Variants in FGGY observed in about 807,000 individuals in gnomAD.
The protein encoded by FGGY is FGGY carbohydrate kinase domain-containing protein.
In FGGY, 72 loss-of-function variants were observed where a neutral mutation model predicts 71.3. The observed-to-expected ratio is 1.01, with a 90% confidence interval of 0.84 to 1.23. The LOEUF is 1.23. Ranked by LOEUF, FGGY falls within the 50% of genes most tolerant of loss-of-function variation. FGGY has a pLI of 0.00. For missense variants in FGGY, 668 were observed against 682.3 expected, an observed-to-expected ratio of 0.98 and a Z score of 0.23; for synonymous variants, 251 against 250.3, an observed-to-expected ratio of 1.00 and a Z score of -0.02.
chr1:59,355,088 T>A (rs960166614), intron 4 of FGGY, among the ~76,000 whole-genome samples: 1 of 152,176 alleles, frequency 6.6e-6, no homozygotes, highest in Non-Finnish European at 1.5e-5. Flanking sequence ...TATTCCAAGA[T>A]CAGTGGGAAA....
At chr1:59,413,900 G>A (rs1351481985) in intron 5 of FGGY, among the ~76,000 whole-genome samples, 1 of 152,214 alleles carries the variant, frequency 6.6e-6, no homozygotes, top group Non-Finnish European at 1.5e-5. Flanking sequence ...TGTGGAAGTT[G>A]TAGCAAGCCG....
In FGGY at chr1:59,757,934, G is replaced by A. The variant is rs1271955991; in HGVS notation, c.1516G>A (p.Ala506Thr). 6.8e-6 allele frequency: 11 copies of A among 1,612,356 alleles called. No homozygotes were observed. Among genetic ancestry groups the A allele is most frequent in the Middle Eastern group, 1.7e-4 (1 of 6,046 alleles). Residue 506 changes from alanine to threonine, a missense_variant, in exon 15 of 16, where the codon GCA (alanine) becomes ACA (threonine). This residue lies in a region of FGGY where 661 missense variants were observed against 661.6 expected (regional missense o/e 1.00). Coordinates refer to ENST00000303721, the MANE Select transcript of FGGY (RefSeq NM_018291.5). ...ASGDFASVQE[A>T]MAKMSKVGKV... The stretch of plus-strand genomic sequence containing the variant: ...TATGTTGTTTTCCATTTAATAGGAA[G>A]CAATGGCAAAAATGAGCAAAGTTGG...
chr1:59,553,710 C>T (rs1405458706), intron 7 of FGGY, among the ~76,000 whole-genome samples: 1 of 152,222 alleles, frequency 6.6e-6, no homozygotes, highest in African/African-American at 2.4e-5. Flanking sequence ...TTGGGCAAGT[C>T]AGTTAACCTC....
At chr1:59,471,715 T>G (rs2092949819) in intron 6 of FGGY, among the ~76,000 whole-genome samples, 2 of 152,240 alleles carry the variant, frequency 1.3e-5, no homozygotes, top group African/African-American at 2.4e-5. Context: ...GGTGCTGGGC[T>G]AAGTCCTAGG....
intron 10 of FGGY, among the ~76,000 whole-genome samples, chr1:59,630,490 A>G (rs996098132): frequency 1.3e-5 from 2 of 152,168 alleles, no homozygotes; most frequent in African/African-American, 4.8e-5. Flanking sequence ...CTCAATGACT[A>G]CTAGATTCTT....
At chr1:59,396,768 T>C (rs1467319040) in intron 5 of FGGY, among the ~76,000 whole-genome samples, 1 of 152,232 alleles carries the variant, frequency 6.6e-6, no homozygotes, top group East Asian at 1.9e-4. Context: ...ATATTACTAA[T>C]GTTTTAATGA....
chr1:59,622,007 A>T lies in FGGY; in HGVS notation c.1012-3981A>T, dbSNP rs545398768. Among the ~76,000 whole-genome samples the T allele has an allele frequency of 3.3e-5, 5 of 151,636 alleles. No individual in the cohort carries two copies. The South Asian group carries it at 6.3e-4, about 19-fold the overall frequency. On this transcript the variant is annotated intron_variant, in intron 9 of 15. Transcript: ENST00000303721. The stretch of plus-strand genomic sequence containing the variant: ...ATTTTTTCAATATATATTCTCATTC[A>T]TATTCTCTCTCTCTCTTTCTCTCTC...
At chr1:59,390,367 A>G (rs1031142530) in intron 5 of FGGY, among the ~76,000 whole-genome samples, 18 of 152,144 alleles carry the variant, frequency 1.2e-4, no homozygotes, top group Non-Finnish European at 2.9e-5. Flanking sequence ...GTCATCAAGG[A>G]CACTAGCTTT....
At position 59,618,524 on chromosome 1, in the gene FGGY, C is replaced by T. The variant is rs144918000; in HGVS notation, c.1012-7464C>T. On this transcript the variant is annotated intron_variant, in intron 9 of 15. Transcript: ENST00000303721. ...TTTCTTTCAGTTCTCTTGTAGACTTCTTTGAGAAGCAACTGTTGTCCGTTA... is the reference window on the plus strand; with the variant it reads ...TTTCTTTCAGTTCTCTTGTAGACTTTTTTGAGAAGCAACTGTTGTCCGTTA... Among the ~76,000 whole-genome samples, 14 of 152,196 alleles carry T rather than the reference C, an allele frequency of 9.2e-5. No individual in the cohort carries two copies. The East Asian group carries it at 2.7e-3, about 29-fold the overall frequency.
intron 6 of FGGY, among the ~76,000 whole-genome samples, chr1:59,467,176 A>G (rs1026490896): frequency 4.6e-5 from 7 of 152,192 alleles, no homozygotes; most frequent in Admixed American, 2.0e-4. Context: ...CAGCAATAAA[A>G]CAGGATGAGT....
At chr1:59,453,047 A>G (rs2091346177) in intron 5 of FGGY, among the ~76,000 whole-genome samples, 1 of 152,186 alleles carries the variant, frequency 6.6e-6, no homozygotes, top group African/African-American at 2.4e-5. Context: ...GCCTTTACCC[A>G]CTAATAATAT....
At chr1:59,578,329 G>T (rs1339167251) in intron 8 of FGGY, among the ~76,000 whole-genome samples, 1 of 151,992 alleles carries the variant, frequency 6.6e-6, no homozygotes, top group Non-Finnish European at 1.5e-5. Context: ...CTTTGGACAG[G>T]CACCACACCC....
At chr1:59,341,852 T>C (rs835392) in intron 3 of FGGY, among the ~76,000 whole-genome samples, 61,897 of 152,042 alleles carry the variant, frequency 0.41, 13,111 homozygotes, top group African/African-American at 0.51. Context: ...GGTGATTGTT[T>C]GGGATGCCAT....
chr1:59,686,854 C>G (rs1047606524), intron 14 of FGGY, among the ~76,000 whole-genome samples: 1 of 152,136 alleles, frequency 6.6e-6, no homozygotes, highest in Admixed American at 6.5e-5. Flanking sequence ...GAACACATAC[C>G]TCATGCAATT....
chr1:59,606,753 G>A (rs1233458750), intron 8 of FGGY, among the ~76,000 whole-genome samples: 2 of 152,150 alleles, frequency 1.3e-5, no homozygotes, highest in Non-Finnish European at 2.9e-5. Context: ...TGGGCAGTTG[G>A]CCTTGGGGTA....
chr1:59,404,605 C>T (rs1015413738), intron 5 of FGGY, among the ~76,000 whole-genome samples: 9 of 152,078 alleles, frequency 5.9e-5, no homozygotes, highest in African/African-American at 2.2e-4. Context: ...CAGAGTGGAG[C>T]ATGGATTGCA....
intron 7 of FGGY, among the ~76,000 whole-genome samples, chr1:59,552,211 T>C (rs1012022694): frequency 6.6e-6 from 1 of 152,186 alleles, no homozygotes; most frequent in Non-Finnish European, 1.5e-5. Context: ...AGCTGCTGCC[T>C]GGCACAGAAG....
intron 5 of FGGY, among the ~76,000 whole-genome samples, chr1:59,399,301 A>C (rs940828513): frequency 1.3e-5 from 2 of 152,228 alleles, no homozygotes; most frequent in Non-Finnish European, 1.5e-5. Flanking sequence ...TAACAGTAAC[A>C]GTCAACACAG....
At position 59,669,489 on chromosome 1, in the gene FGGY, G is replaced by A. The variant is rs144504131; in HGVS notation, c.1417+2086G>A. The stretch of plus-strand genomic sequence containing the variant: ...ATCTAAAAATCAGCTGGCTAGTTCA[G>A]ATAACATTCAAGCTTAAAATTTGAT... On this transcript the variant is annotated intron_variant, in intron 13 of 15. Transcript: ENST00000303721. 8.1e-4 allele frequency among the ~76,000 whole-genome samples: 119 copies of A among 146,598 alleles called. 1 individual carries two copies. Among genetic ancestry groups the A allele is most frequent in the African/African-American group, 2.9e-3 (115 of 40,144 alleles).
Sources: allele counts gnomAD v4.1 joint callset (sites outside exome capture counted in the v4.1 genomes callset), GRCh38; gene constraint gnomAD v4.1.1; regional missense constraint gnomAD v4.1.1; transcripts MANE v1.5; gene names NCBI Gene and HGNC (gene_info 2026-07-23, HGNC 2026-07-21).